B3GALT1: variants seen among roughly 807,000 people sequenced by gnomAD.
B3GALT1 encodes the protein beta-1,3-galactosyltransferase 1, also known as UDP-Gal:betaGlcNAc beta 1,3-galactosyltransferase, polypeptide 1.
Under a neutral mutation model 23.2 loss-of-function variants are expected in B3GALT1, and 10 were observed. The observed-to-expected ratio is 0.43, with a 90% confidence interval of 0.27 to 0.73. B3GALT1 has a LOEUF of 0.73. Among genes scored for constraint, B3GALT1 ranks in the 30% least tolerant of loss-of-function variants. The probability of loss-of-function intolerance (pLI) is 0.21; values close to 1 mark genes in which losing one functional copy is unlikely to be tolerated. For missense variants in B3GALT1, 299 were observed against 405.4 expected, an observed-to-expected ratio of 0.74 and a Z score of 2.25; for synonymous variants, 156 against 141.5, an observed-to-expected ratio of 1.10 and a Z score of -0.73.
chr2:167,690,953 A>T (rs887719046), intron 3 of B3GALT1, among the ~76,000 whole-genome samples: 2 of 152,138 alleles, frequency 1.3e-5, no homozygotes, highest in African/African-American at 4.8e-5. Context: ...GAATTGCAAC[A>T]TGGAAATGAG....
chr2:167,461,450 AC>A (rs1699257769), intron 1 of B3GALT1, among the ~76,000 whole-genome samples: 1 of 152,124 alleles, frequency 6.6e-6, no homozygotes, highest in Admixed American at 6.6e-5. Flanking sequence ...TTCCTACTTC[AC>A]CATCTTTCTA....
intron 4 of B3GALT1, among the ~76,000 whole-genome samples, chr2:167,851,736 G>A (rs1193914520): frequency 1.3e-5 from 2 of 152,152 alleles, no homozygotes; most frequent in Admixed American, 6.5e-5. Flanking sequence ...AGCCCAAGTA[G>A]AAGATAAATA....
At chr2:167,595,328 C>T (rs1360264909) in intron 2 of B3GALT1, among the ~76,000 whole-genome samples, 2 of 152,132 alleles carry the variant, frequency 1.3e-5, no homozygotes, top group African/African-American at 2.4e-5. Flanking sequence ...TGCTCTGCAT[C>T]GCCCACCCAT....
At chr2:167,544,064 T>C (rs765845701) in intron 2 of B3GALT1, among the ~76,000 whole-genome samples, 5 of 152,142 alleles carry the variant, frequency 3.3e-5, no homozygotes, top group Admixed American at 6.5e-5. Context: ...TGAAAAGCAA[T>C]ATACTTTCTT....
chr2:167,859,589 A>C (rs751003899), intron 4 of B3GALT1, among the ~76,000 whole-genome samples: 13 of 151,592 alleles, frequency 8.6e-5, no homozygotes, highest in Admixed American at 5.2e-4. Context: ...AATAAATGTC[A>C]AGGTATATTA....
intron 1 of B3GALT1, among the ~76,000 whole-genome samples, chr2:167,328,503 T>C (rs1696928845): frequency 6.6e-6 from 1 of 152,154 alleles, no homozygotes; most frequent in African/African-American, 2.4e-5. Context: ...ATTCACATAT[T>C]TTGTTCATAA....
chr2:167,740,725 A>G (rs1317818537), intron 3 of B3GALT1, among the ~76,000 whole-genome samples: 1 of 152,226 alleles, frequency 6.6e-6, no homozygotes, highest in Non-Finnish European at 1.5e-5. Flanking sequence ...AATTTAAATA[A>G]GTAATAAAAA....
At chr2:167,736,221 T>G (rs1687489813) in intron 3 of B3GALT1, among the ~76,000 whole-genome samples, 1 of 152,194 alleles carries the variant, frequency 6.6e-6, no homozygotes, top group Admixed American at 6.5e-5. Context: ...AAATCCAACA[T>G]CAAAATTATA....
At chr2:167,509,213 A>C (rs1699967926) in intron 2 of B3GALT1, among the ~76,000 whole-genome samples, 2 of 152,242 alleles carry the variant, frequency 1.3e-5, no homozygotes, top group Admixed American at 6.5e-5. Flanking sequence ...CCAAGTCATA[A>C]GTAATTAATT....
intron 3 of B3GALT1, among the ~76,000 whole-genome samples, chr2:167,805,118 A>T (rs1466655702): frequency 6.6e-6 from 1 of 152,214 alleles, no homozygotes. Context: ...GGCTGCATAA[A>T]TGTCTTCTTG....
intron 1 of B3GALT1, among the ~76,000 whole-genome samples, chr2:167,328,292 A>G (rs1574034787): frequency 6.6e-6 from 1 of 152,182 alleles, no homozygotes; most frequent in African/African-American, 2.4e-5. Context: ...TTTAGAGAAC[A>G]CTGGTGTTAG....
At chr2:167,758,561 T>C (rs983580714) in intron 3 of B3GALT1, among the ~76,000 whole-genome samples, 1 of 152,128 alleles carries the variant, frequency 6.6e-6, no homozygotes, top group African/African-American at 2.4e-5. Flanking sequence ...GGCCTCCTCT[T>C]TGACATTGCT....
At chr2:167,529,903 T>A (rs1383750998) in intron 2 of B3GALT1, among the ~76,000 whole-genome samples, 1 of 152,044 alleles carries the variant, frequency 6.6e-6, no homozygotes, top group African/African-American at 2.4e-5. Context: ...CCAAAGCAGT[T>A]TTTTTAAAAA....
chr2:167,718,341 A>G (rs1298383212), intron 3 of B3GALT1, among the ~76,000 whole-genome samples: 2 of 152,192 alleles, frequency 1.3e-5, no homozygotes, highest in African/African-American at 4.8e-5. Context: ...ACAATCAAAT[A>G]TCATCTTTGT....
chr2:167,329,300 A>C (rs748234948), intron 1 of B3GALT1, among the ~76,000 whole-genome samples: 3 of 152,162 alleles, frequency 2.0e-5, no homozygotes, highest in Non-Finnish European at 4.4e-5. Context: ...ATATCCATGT[A>C]TTTGTATAGT....
intron 2 of B3GALT1, among the ~76,000 whole-genome samples, chr2:167,511,541 T>C (rs1700004536): frequency 6.6e-6 from 1 of 152,188 alleles, no homozygotes; most frequent in Non-Finnish European, 1.5e-5. Flanking sequence ...CTTTATAAAT[T>C]ACCCAGTCTT....
intron 1 of B3GALT1, among the ~76,000 whole-genome samples, chr2:167,342,758 G>A (rs115524695): frequency 0.012 from 1,773 of 151,526 alleles, 35 homozygotes; most frequent in African/African-American, 0.04. Flanking sequence ...TCCGATTTCC[G>A]TGTACATGGC....
At chr2:167,765,903 G>A (rs1377767793) in intron 3 of B3GALT1, among the ~76,000 whole-genome samples, 2 of 152,148 alleles carry the variant, frequency 1.3e-5, no homozygotes, top group Non-Finnish European at 2.9e-5. Flanking sequence ...TCTTCCAAAA[G>A]CATTTAAACT....
At chr2:167,332,997 G>C (rs780473613) in intron 1 of B3GALT1, among the ~76,000 whole-genome samples, 2 of 152,112 alleles carry the variant, frequency 1.3e-5, no homozygotes, top group Non-Finnish European at 2.9e-5. Flanking sequence ...TGGATTGCTG[G>C]ATGTAGCTTT....
Sources: gnomAD v4.1 joint callset for allele counts (sites outside exome capture counted in the v4.1 genomes callset) on GRCh38, gnomAD v4.1.1 for gene constraint, MANE v1.5 for transcripts, NCBI Gene and HGNC (gene_info 2026-07-23, HGNC 2026-07-21) for gene names.